The following REELD1 variants were observed in gnomAD, a reference collection of about 807,000 sequenced individuals.
REELD1 encodes reeler domain containing 1.
Under a neutral mutation model 6.3 loss-of-function variants are expected in REELD1, and 12 were observed. The ratio of observed to expected loss-of-function variants is 1.89; its 90% confidence interval spans 1.21 to 3.07. The LOEUF (loss-of-function observed/expected upper bound fraction) is 3.07. REELD1 is among the 30% of genes most tolerant of loss of function. The probability of loss-of-function intolerance (pLI) is 0.00; values close to 1 mark genes in which losing one functional copy is unlikely to be tolerated. For missense variants in REELD1, 163 were observed against 86.8 expected (o/e 1.88, Z -3.49); for synonymous variants, 57 against 33.6 (o/e 1.70, Z -2.42).
In REELD1 at chr4:146,230,506, T is replaced by C; in HGVS notation, c.1574T>C (p.Val525Ala). 1 of 398,612 alleles carries C rather than the reference T, an allele frequency of 2.5e-6. No individual in the cohort carries two copies. Among genetic ancestry groups the C allele is most frequent in the Non-Finnish European group, 4.4e-6 (1 of 226,096 alleles). 24.7% of individuals were successfully genotyped at this position (398,612 alleles called of 1,614,324 possible). A position where few individuals can be genotyped will look rare whatever the true frequency, so the allele number is the denominator to read the frequency against. ...ITPSVGSKKT[V>A]L is the part of the protein sequence containing the mutation. Reference sequence around the variant, plus strand: ...CCTTCTGTGGGTAGCAAGAAAACAGTCCTCTGAGAAGACTGTCACCCCAGA... The same window carrying C: ...CCTTCTGTGGGTAGCAAGAAAACAGCCCTCTGAGAAGACTGTCACCCCAGA... Residue 525 changes from valine (V) to alanine (A), a missense_variant, in exon 8 of 8, where the codon GTC becomes GCC. Physicochemically the swap from Val to Ala is moderately conservative, Grantham distance 64 (BLOSUM62 0). Transcript: ENST00000623665.
Position 146,222,470 on chromosome 4 carries a change from A to G in REELD1, c.322A>G (p.Thr108Ala). The change falls in exon 4 of 8, where the codon ACT becomes GCT. Residue 108 changes from threonine to alanine, a missense_variant. Transcript: ENST00000623665. ...VLIPPHSKLM[T>A]CFQEADAVTH... is the part of the protein sequence containing the mutation. ...CATTCCTCCTCATTCCAAACTGATG[A>G]CTTGTTTTCAAGAGGCTGATGCAGT... 1 of 398,500 alleles carries G rather than the reference A, an allele frequency of 2.5e-6. No homozygotes were observed. Among genetic ancestry groups the G allele is most frequent in the Non-Finnish European group, 4.4e-6 (1 of 226,044 alleles). The allele number at this position is 398,500 out of a possible 1,614,324, so 24.7% of individuals were successfully genotyped here.
intron 2 of REELD1, among the ~76,000 whole-genome samples, chr4:146,216,502 A>T (rs1230433206): frequency 6.6e-6 from 1 of 152,198 alleles, no homozygotes; most frequent in African/African-American, 2.4e-5. Flanking sequence ...ATGCTCAGCC[A>T]AGCCATCCCA....
chr4:146,221,277 A>G (rs568461190), intron 3 of REELD1, among the ~76,000 whole-genome samples: 10 of 152,324 alleles, frequency 6.6e-5, no homozygotes, highest in Non-Finnish European at 1.2e-4. Flanking sequence ...GGTACCTCAC[A>G]TAAGTGGAAT....
At chr4:146,216,637 G>A (rs1352904043) in intron 2 of REELD1, among the ~76,000 whole-genome samples, 3 of 152,136 alleles carry the variant, frequency 2.0e-5, no homozygotes. Context: ...ACATTTTCTG[G>A]TTTTATTTCT....
At chr4:146,219,621 G>A (rs1578697370) in intron 3 of REELD1, among the ~76,000 whole-genome samples, 1 of 152,140 alleles carries the variant, frequency 6.6e-6, no homozygotes, top group Admixed American at 6.5e-5. Context: ...AACATGAGTG[G>A]CTTTTTTAAA....
Position 146,229,076 on chromosome 4 carries a change from TG to T in REELD1, c.965del (p.Gly322ValfsTer13). ...CACTGGAAACTTGCCTGTCCTCAGA[TG>T]GGGGTGAACAGGTAAGAACCTGAAC... ...DSLETCLSSDGGEQDKTKASN... is the reference protein window; with the variant it reads ...DSLETCLSSDXGEQDKTKASN... On this transcript the variant is annotated frameshift_variant, in exon 7 of 8. Transcript: ENST00000623665. LOFTEE classifies it low-confidence loss of function (END_TRUNC). 1 of 702,378 alleles carries T rather than the reference TG, an allele frequency of 1.4e-6. No individual in the cohort carries two copies. The highest frequency in any genetic ancestry group is 2.0e-5 in the Admixed American group (1 of 50,012). 43.5% of individuals were successfully genotyped at this position (702,378 alleles called of 1,614,324 possible).
chr4:146,229,217 T>C (rs1287994617), intron 7 of REELD1, 129 bp downstream of exon 7: 1 of 612,474 alleles, frequency 1.6e-6, no homozygotes, highest in East Asian at 2.8e-5. Flanking sequence ...AAGTACAATA[T>C]ACACACAGTG....
chr4:146,229,858 G>A (rs1731093240), intron 7 of REELD1, 47 bp from the exon 8 acceptor site: 1 of 398,362 alleles, frequency 2.5e-6, no homozygotes, highest in Non-Finnish European at 4.4e-6. Flanking sequence ...TGGCAGCTTA[G>A]GAGGAAGACC....
At chr4:146,222,880 G>A (rs1730948462) in intron 4 of REELD1, among the ~76,000 whole-genome samples, 1 of 152,212 alleles carries the variant, frequency 6.6e-6, no homozygotes, top group Admixed American at 6.5e-5. Flanking sequence ...CCAGAGGACA[G>A]AATGGCTGGC....
chr4:146,227,420 A>G (rs1731044420), intron 5 of REELD1, among the ~76,000 whole-genome samples: 1 of 152,166 alleles, frequency 6.6e-6, no homozygotes, highest in African/African-American at 2.4e-5. Flanking sequence ...CCATCATGTC[A>G]TCCTCATCAT....
At position 146,230,824 on chromosome 4, in the gene REELD1, A is replaced by G. The variant is rs113799745; in HGVS notation, c.*311A>G. 1.3e-4 allele frequency: 26 copies of G among 199,070 alleles called. No individual in the cohort carries two copies. Among genetic ancestry groups the G allele is most frequent in the African/African-American group, 6.0e-4 (26 of 43,480 alleles). 12.3% of individuals were successfully genotyped at this position (199,070 alleles called of 1,614,324 possible). A position where few individuals can be genotyped will look rare whatever the true frequency, so the allele number is the denominator to read the frequency against. On this transcript the variant is annotated 3_prime_UTR_variant, in exon 8 of 8. Transcript: ENST00000623665. ...CATTAACTAGACCCCTGTGGCCACT[A>G]AGCTTCCTCTGTTGTGGTAAGGAAG...
At position 146,230,768 on chromosome 4, in the gene REELD1, A is replaced by G; in HGVS notation, c.*255A>G. On this transcript the variant is annotated 3_prime_UTR_variant, in exon 8 of 8. Transcript: ENST00000623665. Reference sequence around the variant, plus strand: ...TTAGACGTTCTGTTTGAAGACTTAAACTCAACACAATGAATATTGTATAAC... The same window carrying G: ...TTAGACGTTCTGTTTGAAGACTTAAGCTCAACACAATGAATATTGTATAAC... 3.3e-6 allele frequency: 1 copy of G among 305,882 alleles called. No individual in the cohort carries two copies. The allele number at this position is 305,882 out of a possible 1,614,324, so 18.9% of individuals were successfully genotyped here.
chr4:146,221,476 A>G (rs2110918945), intron 3 of REELD1, among the ~76,000 whole-genome samples: 1 of 152,358 alleles, frequency 6.6e-6, no homozygotes, highest in South Asian at 2.1e-4. Flanking sequence ...GTTTTTCCAT[A>G]GTCTTATCAA....
chr4:146,226,650 TA>T (rs1244729552), intron 5 of REELD1, among the ~76,000 whole-genome samples: 1 of 152,198 alleles, frequency 6.6e-6, no homozygotes, highest in Admixed American at 6.5e-5. Flanking sequence ...AAGCACCTGC[TA>T]AAAACCCCAC....
At position 146,218,160 on chromosome 4, in the gene REELD1, A is replaced by T. The variant is rs546218569; in HGVS notation, c.208+1000A>T. ...GCAACCGAGGTGCATTCCAGTGGGG[A>T]CCCTCTGAGAAGCCATGTGAAACAC... On this transcript the variant is annotated intron_variant, in intron 3 of 7. Coordinates refer to ENST00000623665, the MANE Select transcript of REELD1 (RefSeq NM_001354631.1). 1.5e-4 allele frequency among the ~76,000 whole-genome samples: 23 copies of T among 152,234 alleles called. No individual in the cohort carries two copies. The South Asian group carries it at 2.3e-3, about 15-fold the overall frequency.
chr4:146,216,839 G>C (rs1342657174), intron 2 of REELD1, 103 bp from the exon 3 acceptor site: 1 of 397,452 alleles, frequency 2.5e-6, no homozygotes, highest in Admixed American at 4.4e-5. Flanking sequence ...AGCATCTCAG[G>C]TACAGAGGCA....
In REELD1 at chr4:146,230,657, GA is replaced by G. The variant is rs1731114255; in HGVS notation, c.*145del. ...GTGCAGTTAGTGGAGGAACCCGGGA[GA>G]GGACACTTTCATCAACAGAGGGAGT... On this transcript the variant is annotated 3_prime_UTR_variant, in exon 8 of 8. Coordinates refer to ENST00000623665, the MANE Select transcript of REELD1 (RefSeq NM_001354631.1). 5.0e-6 allele frequency: 2 copies of G among 396,396 alleles called. No individual in the cohort carries two copies. Among genetic ancestry groups the G allele is most frequent in the African/African-American group, 4.1e-5 (2 of 48,626 alleles). The allele number at this position is 396,396 out of a possible 1,614,324, so 24.6% of individuals were successfully genotyped here.
At chr4:146,224,682 T>A in intron 5 of REELD1, 74 bp downstream of exon 5, 1 of 675,174 alleles carries the variant, frequency 1.5e-6, no homozygotes, top group Non-Finnish European at 2.7e-6. Flanking sequence ...CACTTAAAAG[T>A]TACTACTGCC....
At chr4:146,219,585 C>T (rs994987372) in intron 3 of REELD1, among the ~76,000 whole-genome samples, 1 of 152,074 alleles carries the variant, frequency 6.6e-6, no homozygotes, top group Non-Finnish European at 1.5e-5. Context: ...AAGGTCTGAC[C>T]CTGATTTTAG....
Sources: gnomAD v4.1 joint callset for allele counts (sites outside exome capture counted in the v4.1 genomes callset) on GRCh38, gnomAD v4.1.1 for gene constraint, MANE v1.5 for transcripts, NCBI Gene and HGNC (gene_info 2026-07-23, HGNC 2026-07-21) for gene names.